The following TMEM244 variants were observed in gnomAD, a reference collection of about 807,000 sequenced individuals.
TMEM244 encodes the protein putative transmembrane protein 244.
TMEM244 carries 13 observed loss-of-function variants against 15.8 expected under a neutral mutation model. The observed-to-expected ratio is 0.82, with a 90% confidence interval of 0.53 to 1.30. The LOEUF (loss-of-function observed/expected upper bound fraction) is 1.30. Ranked by LOEUF, TMEM244 falls within the 50% of genes most tolerant of loss-of-function variation. The probability of loss-of-function intolerance (pLI) is 0.00; values close to 1 mark genes in which losing one functional copy is unlikely to be tolerated. For missense variants in TMEM244, 161 were observed against 144.9 expected (o/e 1.11, Z -0.57); for synonymous variants, 45 against 48.7 (o/e 0.92, Z 0.32).
chr6:129,853,951 C>T (rs1001976165), intron 1 of TMEM244, among the ~76,000 whole-genome samples: 1 of 152,148 alleles, frequency 6.6e-6, no homozygotes, highest in African/African-American at 2.4e-5. Context: ...AGGTTCATTC[C>T]ACTCTCCTGG....
chr6:129,841,639 T>A (rs1428637937), intron 3 of TMEM244, among the ~76,000 whole-genome samples: 3 of 152,142 alleles, frequency 2.0e-5, no homozygotes, highest in Non-Finnish European at 2.9e-5. Flanking sequence ...TTCTTCTCCA[T>A]AAATTGGAAT....
intron 1 of TMEM244, among the ~76,000 whole-genome samples, chr6:129,849,808 T>C (rs906820774): frequency 1.3e-5 from 2 of 151,928 alleles, no homozygotes; most frequent in Non-Finnish European, 2.9e-5. Context: ...GAGGTATTAT[T>C]GAGGAGGGTA....
At chr6:129,840,343 T>A (rs1431661063) in intron 3 of TMEM244, among the ~76,000 whole-genome samples, 1 of 152,164 alleles carries the variant, frequency 6.6e-6, no homozygotes, top group East Asian at 1.9e-4. Context: ...GATTCCCTAT[T>A]TAATAAATGG....
chr6:129,847,352 A>C (rs555437500), intron 1 of TMEM244, among the ~76,000 whole-genome samples: 2 of 152,198 alleles, frequency 1.3e-5, no homozygotes, highest in Non-Finnish European at 2.9e-5. Context: ...CCAACACCTT[A>C]GGATTATTAT....
chr6:129,849,324 A>G (rs1448557557), intron 1 of TMEM244, among the ~76,000 whole-genome samples: 1 of 152,144 alleles, frequency 6.6e-6, no homozygotes, highest in Non-Finnish European at 1.5e-5. Flanking sequence ...CTTTTCTCAT[A>G]AGCAAATTCA....
chr6:129,858,200 A>G (rs1776746274), intron 1 of TMEM244, among the ~76,000 whole-genome samples: 2 of 152,138 alleles, frequency 1.3e-5, no homozygotes, highest in South Asian at 4.1e-4. Context: ...CTATATTTAT[A>G]TGGTTTAGGT....
intron 3 of TMEM244, among the ~76,000 whole-genome samples, chr6:129,840,832 A>G (rs1248617973): frequency 2.6e-5 from 4 of 152,262 alleles, no homozygotes; most frequent in Non-Finnish European, 5.9e-5. Context: ...AATGCTCATC[A>G]TCACTGGTCA....
intron 1 of TMEM244, among the ~76,000 whole-genome samples, chr6:129,850,376 G>A (rs926338066): frequency 6.6e-6 from 1 of 152,134 alleles, no homozygotes; most frequent in South Asian, 2.1e-4. Context: ...CCATTAGGTC[G>A]GGAAAGTATT....
intron 4 of TMEM244, 101 bp downstream of exon 4, chr6:129,833,359 T>C (rs899605783): frequency 6.9e-6 from 9 of 1,305,150 alleles, no homozygotes; most frequent in East Asian, 2.6e-5. Context: ...CTAGCTATCA[T>C]ACAAGAATAT....
At chr6:129,831,576 A>G (rs1392303418) in intron 4 of TMEM244, among the ~76,000 whole-genome samples, 190 bp from the exon 5 acceptor site, 2 of 152,224 alleles carry the variant, frequency 1.3e-5, no homozygotes, top group East Asian at 3.9e-4. Flanking sequence ...AAACCTTTAC[A>G]ACTCTTCTCC....
At chr6:129,859,644 T>A (rs1776772671) in intron 1 of TMEM244, among the ~76,000 whole-genome samples, 1 of 152,250 alleles carries the variant, frequency 6.6e-6, no homozygotes, top group Non-Finnish European at 1.5e-5. Context: ...ATACTTGGGC[T>A]TTCTTCCCAG....
rs774816448 is a variant in TMEM244, at chr6:129,843,600, C to T, written c.123G>A (p.Val41=). 1 of 1,610,132 alleles carries T rather than the reference C, an allele frequency of 6.2e-7. No homozygotes were observed. The highest frequency in any genetic ancestry group is 1.1e-5 in the South Asian group (1 of 90,816). Reference sequence around the variant, plus strand: ...ATGGAGCCAGGACATTCAACTCATGCACCCTAAAGATGTTATAAGTGAAAA... The same window carrying T: ...ATGGAGCCAGGACATTCAACTCATGTACCCTAAAGATGTTATAAGTGAAAA... ...SLSMGCVMFE[V]HELNVLAPFD... The change falls in exon 3 of 5, where the codon GTG becomes GTA. Residue 41 remains valine, a synonymous_variant. Coordinates refer to ENST00000368143, the MANE Select transcript of TMEM244 (RefSeq NM_001010876.2).
At chr6:129,835,962 A>G (rs1776399514) in intron 3 of TMEM244, among the ~76,000 whole-genome samples, 1 of 152,202 alleles carries the variant, frequency 6.6e-6, no homozygotes, top group Admixed American at 6.5e-5. Context: ...CTGCCTCTAT[A>G]GATTCTACCT....
At chr6:129,837,441 G>A (rs1256832753) in intron 3 of TMEM244, among the ~76,000 whole-genome samples, 1 of 152,168 alleles carries the variant, frequency 6.6e-6, no homozygotes, top group Admixed American at 6.5e-5. Context: ...ACATGGAAAG[G>A]AACAACAGGT....
At chr6:129,833,621 T>A in intron 3 of TMEM244, 36 bp from the exon 4 acceptor site, 1 of 1,593,442 alleles carries the variant, frequency 6.3e-7, no homozygotes, top group African/African-American at 1.4e-5. Context: ...TATTGAGGAC[T>A]AGAGCAATGA....
chr6:129,832,571 G>A (rs1047904892), intron 4 of TMEM244, among the ~76,000 whole-genome samples: 53 of 152,028 alleles, frequency 3.5e-4, no homozygotes, highest in South Asian at 4.2e-4. Context: ...AAAATACGGC[G>A]GATGAGTACA....
At chr6:129,837,284 A>G (rs905383279) in intron 3 of TMEM244, among the ~76,000 whole-genome samples, 4 of 152,344 alleles carry the variant, frequency 2.6e-5, no homozygotes, top group African/African-American at 4.8e-5. Context: ...ATTCTTAAAG[A>G]AAAGAATTTT....
chr6:129,860,059 A>G (rs545652327), intron 1 of TMEM244, among the ~76,000 whole-genome samples: 1 of 151,862 alleles, frequency 6.6e-6, no homozygotes, highest in Non-Finnish European at 1.5e-5. Flanking sequence ...TGATTCTAAG[A>G]TAGTGAGGAA....
At chr6:129,845,160 T>A (rs1490299537) in intron 2 of TMEM244, among the ~76,000 whole-genome samples, 1 of 152,212 alleles carries the variant, frequency 6.6e-6, no homozygotes. Context: ...AATGAAGGCA[T>A]TGAAATAGGA....
Sources: gnomAD v4.1 joint callset for allele counts (sites outside exome capture counted in the v4.1 genomes callset) on GRCh38, gnomAD v4.1.1 for gene constraint, MANE v1.5 for transcripts, NCBI Gene and HGNC (gene_info 2026-07-23, HGNC 2026-07-21) for gene names.